RIMS1: variants seen among roughly 807,000 people sequenced by gnomAD.
RIMS1 encodes regulating synaptic membrane exocytosis protein 1.
Under a neutral mutation model 214.1 loss-of-function variants are expected in RIMS1, and 83 were observed. The observed-to-expected ratio is 0.39, with a 90% confidence interval of 0.32 to 0.47. The LOEUF (loss-of-function observed/expected upper bound fraction) is 0.47. Ranked by LOEUF, RIMS1 falls within the 20% of genes least tolerant of loss-of-function variation. The pLI is 0.99. For synonymous variants in RIMS1, 793 were observed against 786.8 expected, an observed-to-expected ratio of 1.01 and a Z score of -0.13; for missense variants, 2,050 against 2,161.8, an observed-to-expected ratio of 0.95 and a Z score of 1.03.
At chr6:72,079,852 C>A (rs1832858668) in intron 2 of RIMS1, among the ~76,000 whole-genome samples, 1 of 151,722 alleles carries the variant, frequency 6.6e-6, no homozygotes, top group Non-Finnish European at 1.5e-5. Flanking sequence ...TCACTGCACT[C>A]CAGCCTGGGT....
intron 2 of RIMS1, among the ~76,000 whole-genome samples, chr6:72,004,068 G>A (rs1300780979): frequency 2.8e-4 from 36 of 128,652 alleles, no homozygotes; most frequent in African/African-American, 1.1e-3. Context: ...CCCTTCCTGT[G>A]TCCATGTGTT....
intron 1 of RIMS1, among the ~76,000 whole-genome samples, chr6:71,948,082 G>A (rs902067597): frequency 6.6e-6 from 1 of 152,100 alleles, no homozygotes; most frequent in Admixed American, 6.6e-5. Flanking sequence ...AATTTCATGA[G>A]ACATCAATTG....
chr6:72,309,895 AT>A (rs1215318253), intron 27 of RIMS1, among the ~76,000 whole-genome samples: 2 of 151,998 alleles, frequency 1.3e-5, no homozygotes, highest in Non-Finnish European at 2.9e-5. Context: ...ATACAATAGA[AT>A]TTTTTTGTTT....
chr6:72,215,135 T>C (rs1366188755), intron 6 of RIMS1, among the ~76,000 whole-genome samples: 2 of 152,196 alleles, frequency 1.3e-5, no homozygotes, highest in African/African-American at 4.8e-5. Flanking sequence ...ATTGGTTCTC[T>C]TCTGTATACT....
At chr6:72,047,622 A>C (rs1823432485) in intron 2 of RIMS1, among the ~76,000 whole-genome samples, 1 of 152,106 alleles carries the variant, frequency 6.6e-6, no homozygotes. Context: ...GTTTGCAGCT[A>C]TTTTGGCCTC....
At chr6:72,293,988 A>C (rs2093761369) in intron 26 of RIMS1, among the ~76,000 whole-genome samples, 1 of 151,650 alleles carries the variant, frequency 6.6e-6, no homozygotes, top group Non-Finnish European at 1.5e-5. Flanking sequence ...AGTTATATAC[A>C]TACAGCTTTT....
intron 1 of RIMS1, among the ~76,000 whole-genome samples, chr6:71,929,630 A>T (rs1209292933): frequency 6.6e-6 from 1 of 152,098 alleles, no homozygotes; most frequent in African/African-American, 2.4e-5. Flanking sequence ...AGAAGGGAGA[A>T]GATTTGGAAT....
At chr6:72,078,854 T>A (rs749905370) in intron 2 of RIMS1, among the ~76,000 whole-genome samples, 1 of 152,124 alleles carries the variant, frequency 6.6e-6, no homozygotes, top group Non-Finnish European at 1.5e-5. Context: ...TAACAAAGTT[T>A]TTTTATATAT....
At chr6:71,923,325 C>T (rs1891698) in intron 1 of RIMS1, among the ~76,000 whole-genome samples, 46,736 of 152,002 alleles carry the variant, frequency 0.31, 7,911 homozygotes, top group East Asian at 0.46. Context: ...GATTGAAAGG[C>T]GTTAGAATTC....
chr6:71,890,588 A>C (rs1582889324), intron 1 of RIMS1, among the ~76,000 whole-genome samples: 1 of 145,806 alleles, frequency 6.9e-6, no homozygotes, highest in African/African-American at 2.6e-5. Flanking sequence ...AAAAAAAAAA[A>C]AAAAAAAAAC....
At chr6:72,157,441 G>GTCTCAACAACATA (rs2044586389) in intron 4 of RIMS1, among the ~76,000 whole-genome samples, 1 of 139,656 alleles carries the variant, frequency 7.2e-6, no homozygotes, top group Non-Finnish European at 1.6e-5. Flanking sequence ...AGTTTATATA[G>GTCTCAACAACATA]GTTGAGACTA....
chr6:71,943,978 GA>G (rs1361671676), intron 1 of RIMS1, among the ~76,000 whole-genome samples: 1 of 152,064 alleles, frequency 6.6e-6, no homozygotes, highest in Non-Finnish European at 1.5e-5. Flanking sequence ...TGTAATATAG[GA>G]AATCAAATTC....
At chr6:72,093,209 A>ATATATATATATATATATATATAT in intron 2 of RIMS1, among the ~76,000 whole-genome samples, 1 of 80,544 alleles carries the variant, frequency 1.2e-5, no homozygotes, top group South Asian at 4.4e-4. Context: ...TATGTATGTG[A>ATATATATATATATATATATATAT]GTATATATAT....
At chr6:72,283,929 T>C (rs1325341311) in intron 23 of RIMS1, 118 bp from the exon 24 acceptor site, 59 of 724,184 alleles carry the variant, frequency 8.1e-5, no homozygotes, top group Non-Finnish European at 4.7e-5. Flanking sequence ...AAGTACTGAC[T>C]GACAAAATCA....
intron 28 of RIMS1, among the ~76,000 whole-genome samples, chr6:72,329,913 A>T (rs903806655): frequency 6.6e-6 from 1 of 151,786 alleles, no homozygotes; most frequent in Non-Finnish European, 1.5e-5. Flanking sequence ...TGACAGCTGG[A>T]TATATAAATC....
rs907387639 is a variant in RIMS1 at position 71,962,126 on chromosome 6, C to A, written c.165-6857C>A. Among the ~76,000 whole-genome samples the A allele has an allele frequency of 2.6e-5, 4 of 152,064 alleles. No homozygotes were observed. The East Asian group carries it at 5.8e-4, about 22-fold the overall frequency. ...TCAAGCCTGTTTTTATTCTGGAGAT[C>A]TAAAGGATGATAAATGGGGTAGACT... On this transcript the variant is annotated intron_variant, in intron 1 of 33. Coordinates refer to ENST00000521978, the MANE Select transcript of RIMS1 (RefSeq NM_014989.7).
Position 72,284,077 on chromosome 6 carries a change from C to G in RIMS1, c.3513C>G (p.Ile1171Met), listed in dbSNP as rs2154220508. 1 of 1,613,090 alleles carries G rather than the reference C, an allele frequency of 6.2e-7. No individual in the cohort carries two copies. Among genetic ancestry groups the G allele is most frequent in the East Asian group, 2.2e-5 (1 of 44,854 alleles). Residue 1171 changes from isoleucine (I) to methionine (M), a missense_variant, in exon 24 of 34, where the codon ATC becomes ATG. Coordinates refer to ENST00000521978, the MANE Select transcript of RIMS1 (RefSeq NM_014989.7). Reference sequence around the variant, plus strand: ...CCAGAAAGTCTGAAAGATCTAGCATCCAAAAACAGACTAGGAAAGGCACTG... The same window carrying G: ...CCAGAAAGTCTGAAAGATCTAGCATGCAAAAACAGACTAGGAAAGGCACTG... ...RHSRKSERSS[I>M]QKQTRKGTAS...
At chr6:72,075,097 T>A (rs1341307375) in intron 2 of RIMS1, among the ~76,000 whole-genome samples, 1 of 152,074 alleles carries the variant, frequency 6.6e-6, no homozygotes, top group East Asian at 1.9e-4. Context: ...AGTCTTTTAT[T>A]TTGAGACAGG....
chr6:72,066,176 C>T (rs1229316203), intron 2 of RIMS1, among the ~76,000 whole-genome samples: 1 of 152,184 alleles, frequency 6.6e-6, no homozygotes, highest in East Asian at 1.9e-4. Context: ...GATTCATTAT[C>T]TTCTTACATA....
Sources: gnomAD v4.1 joint callset for allele counts (sites outside exome capture counted in the v4.1 genomes callset) on GRCh38, gnomAD v4.1.1 for gene constraint, MANE v1.5 for transcripts, NCBI Gene and HGNC (gene_info 2026-07-23, HGNC 2026-07-21) for gene names.